FGD4: variants seen among roughly 807,000 people sequenced by gnomAD.
FGD4 encodes FYVE, RhoGEF and PH domain-containing protein 4.
In FGD4, 42 loss-of-function variants were observed where a neutral mutation model predicts 102.0. That is an observed-to-expected ratio of 0.41 (90% CI 0.32 to 0.53). The LOEUF is 0.53. Among genes scored for constraint, FGD4 ranks in the 20% least tolerant of loss-of-function variants. The pLI is 0.21. For missense variants in FGD4, 902 were observed against 1,078.2 expected (o/e 0.84, Z 2.29); for synonymous variants, 380 against 375.7 (o/e 1.01, Z -0.13).
chr12:32,583,127 A>G (rs748588686), intron 4 of FGD4, among the ~76,000 whole-genome samples: 1 of 152,208 alleles, frequency 6.6e-6, no homozygotes, highest in Non-Finnish European at 1.5e-5. Context: ...TCCTCAGCCC[A>G]GTAATTCAAG....
chr12:32,459,391 G>T (rs1390732547), intron 1 of FGD4, among the ~76,000 whole-genome samples: 1 of 151,808 alleles, frequency 6.6e-6, no homozygotes, highest in East Asian at 1.9e-4. Context: ...ATGGGGTCTT[G>T]CCATGTTGGC....
intron 1 of FGD4, among the ~76,000 whole-genome samples, chr12:32,493,981 T>G (rs1350975709): frequency 6.6e-6 from 1 of 152,162 alleles, no homozygotes; most frequent in African/African-American, 2.4e-5. Context: ...AGAAAATGTC[T>G]TAGGTAGAGG....
intron 1 of FGD4, among the ~76,000 whole-genome samples, chr12:32,435,125 T>C (rs1384033861): frequency 6.6e-6 from 1 of 152,182 alleles, no homozygotes; most frequent in African/African-American, 2.4e-5. Context: ...GTATTTTTAA[T>C]AGAGATGGAG....
At chr12:32,516,762 T>C (rs1297278384) in intron 1 of FGD4, among the ~76,000 whole-genome samples, 1 of 152,210 alleles carries the variant, frequency 6.6e-6, no homozygotes, top group East Asian at 1.9e-4. Flanking sequence ...GTGAGTTGTT[T>C]GTAAATGATA....
chr12:32,435,490 A>G (rs1942197218), intron 1 of FGD4, among the ~76,000 whole-genome samples: 2 of 72,152 alleles, frequency 2.8e-5, no homozygotes, highest in South Asian at 4.2e-4. Flanking sequence ...GCTAGCTACA[A>G]TTAAAAAAGT....
intron 1 of FGD4, among the ~76,000 whole-genome samples, chr12:32,527,857 C>T (rs1431621704): frequency 2.0e-5 from 3 of 152,092 alleles, no homozygotes; most frequent in African/African-American, 7.2e-5. Context: ...GATCAATTTC[C>T]TAATTTAGAT....
intron 4 of FGD4, among the ~76,000 whole-genome samples, chr12:32,592,183 A>G (rs1210313604): frequency 6.6e-6 from 1 of 151,994 alleles, no homozygotes; most frequent in African/African-American, 2.4e-5. Context: ...CCTGGGTTCA[A>G]GCGATTCTCC....
intron 1 of FGD4, among the ~76,000 whole-genome samples, chr12:32,455,372 C>T (rs1942921134): frequency 6.6e-6 from 1 of 151,932 alleles, no homozygotes. Context: ...GTAGTATATT[C>T]CTTTTAGATA....
chr12:32,564,481 A>G (rs556483435), intron 2 of FGD4, among the ~76,000 whole-genome samples, 192 bp downstream of exon 2: 34 of 152,332 alleles, frequency 2.2e-4, no homozygotes, highest in Admixed American at 1.1e-3. Flanking sequence ...CTGAAACAAC[A>G]TACATTTCTC....
intron 4 of FGD4, among the ~76,000 whole-genome samples, chr12:32,587,423 CCCAGGCTG>C (rs1005413241): frequency 1.6e-4 from 24 of 151,966 alleles, no homozygotes; most frequent in Non-Finnish European, 2.2e-4. Context: ...CGGTCTGTTG[CCCAGGCTG>C]CCAGGCTGGA....
chr12:32,466,538 AT>A (rs1203645885), intron 1 of FGD4, among the ~76,000 whole-genome samples: 1 of 152,028 alleles, frequency 6.6e-6, no homozygotes, highest in African/African-American at 2.4e-5. Flanking sequence ...CACTGATTTA[AT>A]GTTATCCAAA....
At chr12:32,589,426 C>T (rs911953195) in intron 4 of FGD4, among the ~76,000 whole-genome samples, 4 of 152,162 alleles carry the variant, frequency 2.6e-5, no homozygotes, top group Non-Finnish European at 4.4e-5. Context: ...GATGTACTCT[C>T]ATTAGTGTAT....
chr12:32,582,615 A>G, intron 4 of FGD4, 148 bp downstream of exon 4: 1 of 992,726 alleles, frequency 1.0e-6, no homozygotes. Context: ...GCTGCTGATT[A>G]GCATTTCCCC....
chr12:32,624,585 C>A, intron 12 of FGD4, 133 bp downstream of exon 12: 1 of 781,074 alleles, frequency 1.3e-6, no homozygotes. Flanking sequence ...AGCCTTGCAT[C>A]TCAGCCTCTT....
intron 1 of FGD4, among the ~76,000 whole-genome samples, chr12:32,562,746 A>G (rs574923688): frequency 2.6e-5 from 4 of 152,366 alleles, no homozygotes; most frequent in Admixed American, 2.6e-4. Context: ...TCACCGATCA[A>G]CAGGATCCCA....
chr12:32,524,395 CAAAAAAAA>C (rs959203100), intron 1 of FGD4, among the ~76,000 whole-genome samples: 5 of 69,336 alleles, frequency 7.2e-5, no homozygotes, highest in African/African-American at 1.2e-4. Context: ...GACTCTGTCT[CAAAAAAAA>C]AAAAAAAAAA....
At position 32,640,345 on chromosome 12, in the gene FGD4, C is replaced by T. The variant is rs145389138; in HGVS notation, c.2524C>T (p.Leu842=). 1.9e-5 allele frequency: 30 copies of T among 1,614,056 alleles called. No homozygotes were observed. Among genetic ancestry groups the T allele is most frequent in the Non-Finnish European group, 2.5e-5 (30 of 1,180,042 alleles). Residue 842 remains leucine, a synonymous_variant, in exon 17 of 17, where the codon CTG becomes TTG. Coordinates refer to ENST00000534526, the MANE Select transcript of FGD4 (RefSeq NM_001370298.3). The part of the protein sequence containing the change: ...VVDEMPRSAD[L]PHSFKLTQSK... The stretch of plus-strand genomic sequence containing the variant: ...GGATGAAATGCCAAGGAGCGCAGAC[C>T]TGCCACACAGTTTCAAACTGACCCA...
chr12:32,612,252 A>C (rs938460446), intron 10 of FGD4, among the ~76,000 whole-genome samples: 4 of 152,218 alleles, frequency 2.6e-5, no homozygotes, highest in Admixed American at 1.3e-4. Context: ...GCTGGTGCCT[A>C]GAAATGCTCC....
intron 4 of FGD4, among the ~76,000 whole-genome samples, chr12:32,588,133 A>C (rs1947196344): frequency 6.6e-6 from 1 of 152,164 alleles, no homozygotes; most frequent in Admixed American, 6.6e-5. Flanking sequence ...AGCTTTAAGG[A>C]AAAAAGCATG....
Sources: allele counts gnomAD v4.1 joint callset (sites outside exome capture counted in the v4.1 genomes callset), GRCh38; gene constraint gnomAD v4.1.1; transcripts MANE v1.5; gene names NCBI Gene and HGNC (gene_info 2026-07-23, HGNC 2026-07-21).